Variants in ADAMTS19 observed in about 807,000 individuals in gnomAD.
ADAMTS19 encodes the protein ADAM metallopeptidase with thrombospondin type 1 motif 19, also known as A disintegrin and metalloproteinase with thrombospondin motifs 19.
A neutral mutation model predicts 153.3 loss-of-function variants in ADAMTS19; 93 were observed. That is an observed-to-expected ratio of 0.61 (90% confidence interval 0.51 to 0.72). ADAMTS19 has a LOEUF of 0.72. Ranked by LOEUF, ADAMTS19 falls within the 30% of genes least tolerant of loss-of-function variation. The probability of loss-of-function intolerance (pLI) is 0.00; values close to 1 mark genes in which losing one functional copy is unlikely to be tolerated. For missense variants in ADAMTS19, 1,482 were observed against 1,552.1 expected (o/e 0.95, Z 0.76); for synonymous variants, 600 against 556.6 (o/e 1.08, Z -1.10).
intron 21 of ADAMTS19, among the ~76,000 whole-genome samples, chr5:129,729,720 G>T (rs1757356348): frequency 6.6e-6 from 1 of 151,954 alleles, no homozygotes; most frequent in Non-Finnish European, 1.5e-5. Context: ...TATAAAAGGT[G>T]CTATTCAGCC....
Position 129,461,103 on chromosome 5 carries a change from G to T in ADAMTS19, c.93G>T (p.Glu31Asp). 1 of 1,410,042 alleles carries T rather than the reference G, an allele frequency of 7.1e-7. No homozygotes were observed. Among genetic ancestry groups the T allele is most frequent in the South Asian group, 1.5e-5 (1 of 65,630 alleles). 87.3% of individuals were successfully genotyped at this position (1,410,042 alleles called of 1,614,324 possible). ...LGFLSNGIVS[E>D]LQFAPDREEW... ...CACTTCTGTCTGCCCCGCCCGCAGA[G>T]CTGCAGTTCGCCCCCGACCGCGAGG... Residue 31 changes from glutamate to aspartate, a missense_variant and splice_region_variant, in exon 2 of 23, where the codon GAG becomes GAT. Physicochemically the swap from Glu to Asp is conservative, Grantham distance 45 (BLOSUM62 2). This residue lies in a region of ADAMTS19 where 866 missense variants were observed against 827.7 expected (regional missense o/e 1.05). Coordinates refer to ENST00000274487, the MANE Select transcript of ADAMTS19 (RefSeq NM_133638.6). The surrounding 1 kb of genome is among the most constrained non-coding windows in gnomAD (Gnocchi z 4.6).
chr5:129,487,099 A>G (rs987438209), intron 2 of ADAMTS19, among the ~76,000 whole-genome samples: 1 of 152,244 alleles, frequency 6.6e-6, no homozygotes, highest in Non-Finnish European at 1.5e-5. Context: ...TTTAACAATT[A>G]GGGTAAAGTT....
chr5:129,673,587 TGA>T (rs1345497056), intron 16 of ADAMTS19, among the ~76,000 whole-genome samples: 2 of 152,172 alleles, frequency 1.3e-5, no homozygotes, highest in Non-Finnish European at 2.9e-5. Context: ...CGTTTATACT[TGA>T]AAAAATTTGT....
intron 6 of ADAMTS19, among the ~76,000 whole-genome samples, chr5:129,531,694 T>C (rs899461204): frequency 5.9e-5 from 9 of 151,846 alleles, no homozygotes; most frequent in African/African-American, 1.9e-4. Context: ...AAAATGTTTA[T>C]ATATATATAT....
chr5:129,585,218 G>A (rs1561585498), intron 7 of ADAMTS19, among the ~76,000 whole-genome samples: 1 of 151,504 alleles, frequency 6.6e-6, no homozygotes, highest in East Asian at 2.0e-4. Context: ...TGCCCTCCGT[G>A]GGCTGCACCC....
At chr5:129,556,715 C>A (rs1440069630) in intron 7 of ADAMTS19, among the ~76,000 whole-genome samples, 2 of 151,990 alleles carry the variant, frequency 1.3e-5, no homozygotes, top group Non-Finnish European at 1.5e-5. Flanking sequence ...TAAAGAAAGA[C>A]AGAGATACAA....
rs979600458 is a variant in ADAMTS19, at chr5:129,548,207, G to A, written c.1329-3657G>A. Among the ~76,000 whole-genome samples the A allele has an allele frequency of 1.9e-3, 280 of 149,882 alleles. 20 individuals are homozygous for A. Among genetic ancestry groups the A allele is most frequent in the African/African-American group, 6.7e-3 (266 of 39,780 alleles). ...AATTAAACTAAAGAGCTTCTGCACA[G>A]CAAAAGAAACTACCATCAGAGTGAA... On this transcript the variant is annotated intron_variant, in intron 6 of 22. Transcript: ENST00000274487.
At chr5:129,627,572 C>A (rs1345447478) in intron 10 of ADAMTS19, among the ~76,000 whole-genome samples, 1 of 151,662 alleles carries the variant, frequency 6.6e-6, no homozygotes, top group Non-Finnish European at 1.5e-5. Flanking sequence ...AAGAGACAAC[C>A]TACAGAATGG....
chr5:129,697,554 T>C (rs1300028949), intron 19 of ADAMTS19, among the ~76,000 whole-genome samples: 3 of 152,254 alleles, frequency 2.0e-5, no homozygotes, highest in African/African-American at 4.8e-5. Flanking sequence ...CTTTGCACCT[T>C]CCTGAGTGTA....
chr5:129,595,555 A>AT (rs1291994674), intron 7 of ADAMTS19, among the ~76,000 whole-genome samples: 4 of 151,958 alleles, frequency 2.6e-5, no homozygotes, highest in Admixed American at 1.3e-4. Flanking sequence ...TCTGCATTAA[A>AT]TTTTTTTTAG....
At chr5:129,613,474 T>C (rs1020191248) in intron 8 of ADAMTS19, among the ~76,000 whole-genome samples, 8 of 152,094 alleles carry the variant, frequency 5.3e-5, no homozygotes, top group African/African-American at 1.7e-4. Flanking sequence ...ATAAAGATGT[T>C]CTTTGAAACC....
At chr5:129,627,374 T>G (rs1174263588) in intron 10 of ADAMTS19, among the ~76,000 whole-genome samples, 3 of 152,022 alleles carry the variant, frequency 2.0e-5, no homozygotes, top group Non-Finnish European at 4.4e-5. Flanking sequence ...AGCTGAAGAC[T>G]TAAATGTAAA....
intron 10 of ADAMTS19, among the ~76,000 whole-genome samples, chr5:129,625,336 C>G (rs1751979389): frequency 6.6e-6 from 1 of 152,078 alleles, no homozygotes; most frequent in Admixed American, 6.6e-5. Context: ...GTTTATAATC[C>G]TTTAGGTATA....
At chr5:129,614,359 T>C (rs1195836411) in intron 8 of ADAMTS19, among the ~76,000 whole-genome samples, 4 of 152,132 alleles carry the variant, frequency 2.6e-5, no homozygotes, top group African/African-American at 9.7e-5. Context: ...GCTTCATCCC[T>C]GGGATGCAAG....
rs189905850 is a variant in ADAMTS19 at position 129,565,856 on chromosome 5, G to T, written c.1372+13949G>T. 3.0e-3 allele frequency among the ~76,000 whole-genome samples: 458 copies of T among 152,234 alleles called. 9 individuals are homozygous for T. The highest frequency in any genetic ancestry group is 0.017 in the Middle Eastern group (5 of 294). ...AATTTTAATGATGTTGGTTTGATCAGAAAACTCTATTTTGAACTCAGTAGA... is the reference window on the plus strand; with the variant it reads ...AATTTTAATGATGTTGGTTTGATCATAAAACTCTATTTTGAACTCAGTAGA... On this transcript the variant is annotated intron_variant, in intron 7 of 22. Transcript: ENST00000274487.
chr5:129,534,094 G>A (rs1027346097), intron 6 of ADAMTS19, among the ~76,000 whole-genome samples: 1 of 152,120 alleles, frequency 6.6e-6, no homozygotes, highest in Admixed American at 6.6e-5. Context: ...GGAGAGTTCT[G>A]TAGATGTCTA....
At chr5:129,645,660 C>G (rs954145972) in intron 11 of ADAMTS19, among the ~76,000 whole-genome samples, 1 of 152,108 alleles carries the variant, frequency 6.6e-6, no homozygotes, top group Non-Finnish European at 1.5e-5. Context: ...GTTATGAACT[C>G]TAGCCCAGTC....
intron 7 of ADAMTS19, among the ~76,000 whole-genome samples, chr5:129,558,067 T>A (rs1174058973): frequency 2.2e-5 from 1 of 45,212 alleles, no homozygotes; most frequent in East Asian, 4.0e-4. Context: ...TGATAAAAAC[T>A]CTTGGCAAAG....
At chr5:129,604,459 T>G (rs1750800179) in intron 8 of ADAMTS19, among the ~76,000 whole-genome samples, 2 of 152,202 alleles carry the variant, frequency 1.3e-5, no homozygotes. Flanking sequence ...AAATGCACAT[T>G]TGTTCATCTG....
Sources: allele counts gnomAD v4.1 joint callset (sites outside exome capture counted in the v4.1 genomes callset), GRCh38; gene constraint gnomAD v4.1.1; regional missense constraint gnomAD v4.1.1; non-coding constraint Gnocchi (gnomAD v3.1); transcripts MANE v1.5; gene names NCBI Gene and HGNC (gene_info 2026-07-23, HGNC 2026-07-21).